AGO2: variants seen among roughly 807,000 people sequenced by gnomAD.
AGO2 encodes protein argonaute-2.
A neutral mutation model predicts 102.3 loss-of-function variants in AGO2; 5 were observed. The observed-to-expected ratio is 0.05, with a 90% CI of 0.03 to 0.10. The LOEUF is 0.10. AGO2 is among the 10% of genes least tolerant of loss of function. AGO2 has a pLI of 1.00. For synonymous variants in AGO2, 449 were observed against 473.1 expected, an observed-to-expected ratio of 0.95 and a Z score of 0.66; for missense variants, 541 against 1,183.7, an observed-to-expected ratio of 0.46 and a Z score of 7.97.
rs1019199198 is a variant in AGO2 at position 140,540,678 on chromosome 8, A to G, written c.2034+486T>C. 6.6e-6 allele frequency among the ~76,000 whole-genome samples: 1 copy of G among 152,160 alleles called. No individual in the cohort carries two copies. Among genetic ancestry groups the G allele is most frequent in the Non-Finnish European group, 1.5e-5 (1 of 68,016 alleles). On this transcript the variant is annotated intron_variant, in intron 15 of 18. Coordinates refer to ENST00000220592, the MANE Select transcript of AGO2 (RefSeq NM_012154.5). This position sits in a 1 kb window ranked among gnomAD's most constrained non-coding sequence, Gnocchi z 5.0. Reference sequence around the variant, plus strand: ...GCCGTCCCTCTCTCTACATCCAGACAGTGGCCGCGTCCTGGCGACCCTACC... The same window carrying G: ...GCCGTCCCTCTCTCTACATCCAGACGGTGGCCGCGTCCTGGCGACCCTACC...
Position 140,521,426 on chromosome 8 carries a change from T to G in AGO2, c.*10618A>C, listed in dbSNP as rs566448250. ...AGGAATGTTGGTTCTCTTGTAAAAT[T>G]CAGAGATCTCTTTAAAATAGTAAAA... On this transcript the variant is annotated 3_prime_UTR_variant, in exon 19 of 19. Transcript: ENST00000220592. The G allele has an allele frequency of 6.6e-6, 1 of 152,362 alleles. No individual in the cohort carries two copies. The highest frequency in any genetic ancestry group is 1.5e-5 in the Non-Finnish European group (1 of 68,036). The allele number at this position is 152,362 out of a possible 1,614,324, so 9.4% of individuals were successfully genotyped here.
intron 3 of AGO2, among the ~76,000 whole-genome samples, chr8:140,568,103 CAAAAAAAAAAA>C (rs553804959): frequency 1.8e-5 from 2 of 110,652 alleles, no homozygotes; most frequent in East Asian, 2.5e-4. Context: ...ACTAAAAATA[CAAAAAAAAAAA>C]AAAAAAAAAA....
intron 1 of AGO2, among the ~76,000 whole-genome samples, chr8:140,619,980 G>A (rs530635168): frequency 3.3e-5 from 5 of 152,328 alleles, no homozygotes; most frequent in African/African-American, 1.2e-4. Flanking sequence ...TGTGTTTCTA[G>A]CACCATCCTC....
intron 2 of AGO2, among the ~76,000 whole-genome samples, chr8:140,577,753 A>G (rs549892686): frequency 1.1e-4 from 17 of 152,254 alleles, no homozygotes; most frequent in Admixed American, 1.1e-3. Context: ...GCAACCACAC[A>G]CACCCAGGAT....
chr8:140,553,407 T>G lies in AGO2; in HGVS notation c.1270-1971A>C, dbSNP rs915505686. ...TCAAACAAGTTACAAGTTTTTTGTT[T>G]TTTGTTTTTTTTTTTTTTTGAGACG... On this transcript the variant is annotated intron_variant, in intron 10 of 18. Transcript: ENST00000220592. Among the ~76,000 whole-genome samples the G allele has an allele frequency of 6.7e-5, 7 of 104,540 alleles. No individual in the cohort carries two copies. In the South Asian group the frequency reaches 1.8e-3, roughly 26 times the overall value. The allele number at this position is 104,540 out of a possible 152,430, so 68.6% of individuals were successfully genotyped here.
chr8:140,567,098 G>A lies in AGO2; in HGVS notation c.337-4464C>T, dbSNP rs937315050. ...TTCAAAAACCTCTGTAGTCAACACC[G>A]AGGGGCAATGGCAAGGGGTCTATTT... On this transcript the variant is annotated intron_variant, in intron 3 of 18. Transcript: ENST00000220592. This position sits in a 1 kb window ranked among gnomAD's most constrained non-coding sequence, Gnocchi z 5.0. Among the ~76,000 whole-genome samples the A allele has an allele frequency of 6.6e-5, 10 of 152,214 alleles. No homozygotes were observed. Among genetic ancestry groups the A allele is most frequent in the African/African-American group, 7.2e-5 (3 of 41,454 alleles).
intron 6 of AGO2, among the ~76,000 whole-genome samples, chr8:140,559,004 T>C (rs1304960756): frequency 6.6e-6 from 1 of 152,142 alleles, no homozygotes; most frequent in African/African-American, 2.4e-5. Flanking sequence ...CTGAGTTTCT[T>C]GGAGTAGAAA....
At position 140,560,435 on chromosome 8, in the gene AGO2, C is replaced by T. The variant is rs762781860; in HGVS notation, c.594G>A (p.Val198=). The change falls in exon 5 of 19, where the codon GTG becomes GTA. Residue 198 remains valine, a synonymous_variant. Transcript: ENST00000220592. The stretch of plus-strand genomic sequence containing the variant: ...GGACGGACTGATGGAAGCCAAACCA[C>T]ACTTCTCGGCCCCCGCCAAGAGGGT... ...CSNPLGGGRE[V]WFGFHQSVRP... The T allele has an allele frequency of 4.3e-6, 7 of 1,614,272 alleles. No homozygotes were observed. In the South Asian group the frequency reaches 6.6e-5, roughly 15 times the overall value.
chr8:140,536,636 T>C (rs1321734425), intron 16 of AGO2, among the ~76,000 whole-genome samples: 3 of 152,226 alleles, frequency 2.0e-5, no homozygotes, highest in Non-Finnish European at 4.4e-5. Context: ...TAATATCTCT[T>C]TTCAAAGTAG....
chr8:140,544,860 A>G (rs2977477), intron 13 of AGO2, among the ~76,000 whole-genome samples: 131,833 of 152,252 alleles, frequency 0.87, 57,396 homozygotes, highest in East Asian at 1. Context: ...GACCCTGAGT[A>G]TATCCCAGTG....
chr8:140,616,584 A>G (rs912747195), intron 1 of AGO2, among the ~76,000 whole-genome samples: 1 of 152,256 alleles, frequency 6.6e-6, no homozygotes, highest in African/African-American at 2.4e-5. Flanking sequence ...ATTTCATATT[A>G]GCACATGGGT....
intron 1 of AGO2, among the ~76,000 whole-genome samples, chr8:140,610,512 C>T (rs147773061): frequency 0.025 from 3,847 of 152,332 alleles, 65 homozygotes; most frequent in Non-Finnish European, 0.035. Context: ...GGCCACCGTG[C>T]CTGGCCAGAG....
At chr8:140,627,923 T>A (rs946823934) in intron 1 of AGO2, among the ~76,000 whole-genome samples, 9 of 152,136 alleles carry the variant, frequency 5.9e-5, no homozygotes, top group Non-Finnish European at 1.3e-4. Flanking sequence ...GCCCCCACTG[T>A]CTCGGGGCTG....
chr8:140,535,188 A>T (rs995631352), intron 17 of AGO2, among the ~76,000 whole-genome samples: 6 of 152,078 alleles, frequency 3.9e-5, no homozygotes, highest in African/African-American at 1.4e-4. Context: ...AGCTCCAGCC[A>T]CACCACACCC....
chr8:140,620,132 G>A lies in AGO2; in HGVS notation c.22+15353C>T, dbSNP rs145683980. 2.6e-5 allele frequency among the ~76,000 whole-genome samples: 4 copies of A among 152,348 alleles called. No homozygotes were observed. In the East Asian group the frequency reaches 7.7e-4, roughly 29 times the overall value. ...AAAAGATGCGGGGCTACCTGAAGGG[G>A]TCCCACGTCAGGAGGAAGAGGGGCC... On this transcript the variant is annotated intron_variant, in intron 1 of 18. Coordinates refer to ENST00000220592, the MANE Select transcript of AGO2 (RefSeq NM_012154.5).
chr8:140,617,335 T>TC (rs1241536787), intron 1 of AGO2, among the ~76,000 whole-genome samples: 6 of 151,292 alleles, frequency 4.0e-5, no homozygotes, highest in Admixed American at 1.3e-4. Context: ...CACTTCAACC[T>TC]CCACCTCCAG....
At chr8:140,641,099 T>C in the AGO2 span, among the ~76,000 whole-genome samples, 9 of 152,136 alleles carry the variant, frequency 5.9e-5, no homozygotes, top group South Asian at 1.2e-3. Flanking sequence ...TTGAGATCAG[T>C]GTGGGCAACA....
intron 1 of AGO2, among the ~76,000 whole-genome samples, chr8:140,604,391 A>T (rs1279438517): frequency 6.6e-6 from 1 of 152,236 alleles, no homozygotes. Flanking sequence ...CAAACACAGC[A>T]ACAATAAAAA....
rs1457729566 is a variant in AGO2 at position 140,530,735 on chromosome 8, GC to G, written c.*1308del. The G allele has an allele frequency of 6.6e-6, 1 of 152,332 alleles. No individual in the cohort carries two copies. The highest frequency in any genetic ancestry group is 2.4e-5 in the African/African-American group (1 of 41,462). 9.4% of individuals were successfully genotyped at this position (152,332 alleles called of 1,614,324 possible). ...CCTTCGCTGTGACCGACGGCCTCAC[GC>G]CCAGCAGAGCCACCACCAACAGCTT... On this transcript the variant is annotated 3_prime_UTR_variant, in exon 19 of 19. Transcript: ENST00000220592.
Sources: allele counts gnomAD v4.1 joint callset (sites outside exome capture counted in the v4.1 genomes callset), GRCh38; gene constraint gnomAD v4.1.1; non-coding constraint Gnocchi (gnomAD v3.1); transcripts MANE v1.5; gene names NCBI Gene and HGNC (gene_info 2026-07-23, HGNC 2026-07-21).